The following TAF1D variants were observed in gnomAD, a reference collection of about 807,000 sequenced individuals.
TAF1D encodes the protein TATA box-binding protein-associated factor RNA polymerase I subunit D.
TAF1D carries 23 observed loss-of-function variants against 26.2 expected under a neutral mutation model. The observed-to-expected ratio is 0.88, with a 90% CI of 0.63 to 1.25. The LOEUF is 1.25. TAF1D is among the 50% of genes most tolerant of loss of function. The probability of loss-of-function intolerance (pLI) is 0.00; values close to 1 mark genes in which losing one functional copy is unlikely to be tolerated. For synonymous variants in TAF1D, 100 were observed against 105.6 expected (o/e 0.95, Z 0.33); for missense variants, 299 against 322.0 (o/e 0.93, Z 0.55).
chr11:93,736,402 G>C lies in TAF1D; in HGVS notation c.694-98C>G, dbSNP rs117690092. The C allele has an allele frequency of 2.0e-3, 2,923 of 1,449,494 alleles. 96 individuals are homozygous for C. The East Asian group carries it at 0.069, about 34-fold the overall frequency. The allele number at this position is 1,449,494 out of a possible 1,614,324, so 89.8% of individuals were successfully genotyped here. ...GCCCTGGATTACTTCAGATAACCTA[G>C]AGACTACATGTAGATGTTAAAAATC... is the stretch of plus-strand genomic sequence containing the variant. On this transcript the variant is annotated intron_variant, in intron 5 of 5. Transcript: ENST00000448108.
chr11:93,734,744 C>A, downstream of TAF1D: 1 of 1,285,328 alleles, frequency 7.8e-7, no homozygotes, highest in Non-Finnish European at 1.0e-6. Context: ...CCCTCATATC[C>A]CATGCTGTTT....
chr11:93,735,508 T>C (rs1213806472), downstream of TAF1D: 4 of 433,892 alleles, frequency 9.2e-6, no homozygotes, highest in Non-Finnish European at 1.2e-5. Context: ...CTGTCTCTAC[T>C]AAAAAAACAA....
At position 93,737,109 on chromosome 11, in the gene TAF1D, T is replaced by C; in HGVS notation, c.590A>G (p.Lys197Arg). ...AATGGATCCATCATCATCCAAAAAT[T>C]TGTATCTACGACTGTCAAAATCTTC... ...ENEDFDSRRY[K>R]FLDDDGSISP... The change falls in exon 4 of 6, where the codon AAA (lysine) becomes AGA (arginine). Residue 197 changes from lysine to arginine, a missense_variant. Transcript: ENST00000448108. The C allele has an allele frequency of 1.2e-6, 2 of 1,609,484 alleles. No individual in the cohort carries two copies. The highest frequency in any genetic ancestry group is 1.7e-6 in the Non-Finnish European group (2 of 1,178,358).
downstream of TAF1D, chr11:93,735,499 T>C (rs905444737): frequency 1.2e-5 from 5 of 405,364 alleles, no homozygotes; most frequent in Non-Finnish European, 1.7e-5. Flanking sequence ...GGTGAAAGCC[T>C]GTCTCTACTA....
At chr11:93,738,530 CTTCTT>C (rs1440928829) in intron 2 of TAF1D, 31 bp from the exon 3 acceptor site, 2 of 1,525,930 alleles carry the variant, frequency 1.3e-6, no homozygotes, top group African/African-American at 2.8e-5. Flanking sequence ...TTAATTTCAT[CTTCTT>C]TTCTTACTGC....
chr11:93,737,107 A>C lies in TAF1D; in HGVS notation c.592T>G (p.Phe198Val). ...GAAATGGATCCATCATCATCCAAAA[A>C]TTTGTATCTACGACTGTCAAAATCT... is the stretch of plus-strand genomic sequence containing the variant. Reference protein sequence around the residue: ...NEDFDSRRYKFLDDDGSISPI... With the variant: ...NEDFDSRRYKVLDDDGSISPI... Residue 198 changes from phenylalanine (F) to valine (V), a missense_variant, in exon 4 of 6, where the codon TTT becomes GTT. By Grantham distance (50) the Phe-to-Val change is conservative (BLOSUM62 -1). Coordinates refer to ENST00000448108, the MANE Select transcript of TAF1D (RefSeq NM_024116.4). The C allele has an allele frequency of 6.2e-7, 1 of 1,609,478 alleles. No homozygotes were observed. The highest frequency in any genetic ancestry group is 8.5e-7 in the Non-Finnish European group (1 of 1,178,386).
At chr11:93,732,755 G>A, downstream of TAF1D, 1 of 215,574 alleles carries the variant, frequency 4.6e-6, no homozygotes, top group Non-Finnish European at 9.6e-6. Flanking sequence ...CAAACGTCAA[G>A]CTCATTGTTG....
chr11:93,739,195 T>A, intron 2 of TAF1D, 42 bp downstream of exon 2: 5 of 1,462,456 alleles, frequency 3.4e-6, no homozygotes, highest in Non-Finnish European at 4.7e-6. Context: ...TACAATAGTT[T>A]CTCATAATTC....
rs1362919565 is a variant in TAF1D, at chr11:93,741,461, C to G, written c.-167G>C. ...ACCTCAGCCCTCCAACTCCCGATAA[C>G]CAGCCGACCTCCTCCAACCGTGCGG... On this transcript the variant is annotated 5_prime_UTR_variant, in exon 1 of 6. Coordinates refer to ENST00000448108, the MANE Select transcript of TAF1D (RefSeq NM_024116.4). The G allele has an allele frequency of 2.2e-6, 1 of 456,304 alleles. No homozygotes were observed. The highest frequency in any genetic ancestry group is 2.0e-5 in the African/African-American group (1 of 50,210). The allele number at this position is 456,304 out of a possible 1,614,324, so 28.3% of individuals were successfully genotyped here. A position where few individuals can be genotyped will look rare whatever the true frequency, so the allele number is the denominator to read the frequency against.
chr11:93,735,506 A>G (rs1050200438), downstream of TAF1D: 33 of 417,364 alleles, frequency 7.9e-5, no homozygotes, highest in Non-Finnish European at 1.0e-4. Flanking sequence ...GCCTGTCTCT[A>G]CTAAAAAAAC....
intron 4 of TAF1D, 96 bp downstream of exon 4, chr11:93,736,968 T>G: frequency 8.4e-7 from 1 of 1,193,432 alleles, no homozygotes; most frequent in South Asian, 1.7e-5. Flanking sequence ...TGTTCATTAT[T>G]TAAGTATAAC....
chr11:93,739,961 CAAAAAAAAAAA>C (rs67574108), intron 1 of TAF1D, among the ~76,000 whole-genome samples: 3 of 82,422 alleles, frequency 3.6e-5, no homozygotes, highest in African/African-American at 5.3e-5. Flanking sequence ...TACAACATAC[CAAAAAAAAAAA>C]AAAAAAAAAA....
At chr11:93,734,777 C>T (rs577212858), downstream of TAF1D, 137 of 1,260,136 alleles carry the variant, frequency 1.1e-4, 1 homozygote, top group African/African-American at 1.9e-3. Flanking sequence ...GGCCTGGAAT[C>T]AACCTTTTTT....
chr11:93,737,009 CAT>C, intron 4 of TAF1D, 53 bp downstream of exon 4: 3 of 1,400,788 alleles, frequency 2.1e-6, no homozygotes, highest in South Asian at 3.0e-5. Flanking sequence ...AAGCAATTAA[CAT>C]AGAAATTTAA....
At chr11:93,734,904 C>T (rs575225728), downstream of TAF1D, 50 of 769,934 alleles carry the variant, frequency 6.5e-5, no homozygotes, top group South Asian at 8.4e-4. Context: ...ACTCCAACTA[C>T]AGGCACATGC....
downstream of TAF1D, chr11:93,734,800 G>A (rs1332259306): frequency 5.7e-6 from 7 of 1,229,014 alleles, no homozygotes; most frequent in African/African-American, 1.1e-4. Flanking sequence ...TTAAGAGACA[G>A]GGTCTGTCTT....
exon 12 of TAF1D, chr11:93,730,341 A>G (rs1938284867): frequency 1.8e-6 from 2 of 1,123,758 alleles, no homozygotes; most frequent in Admixed American, 2.0e-5. Context: ...TAAAGTCAAT[A>G]AATTGTTATT....
chr11:93,734,691 TCAA>T, downstream of TAF1D: 2 of 1,278,278 alleles, frequency 1.6e-6, no homozygotes, highest in Non-Finnish European at 2.0e-6. Flanking sequence ...GTGTATATCA[TCAA>T]CATGAAATTG....
At chr11:93,731,679 A>AAAAT (rs1363402339), downstream of TAF1D, 8 of 422,546 alleles carry the variant, frequency 1.9e-5, no homozygotes, top group African/African-American at 1.2e-4. Flanking sequence ...TAAATAACCT[A>AAAAT]AAATAACATT....
Sources: allele counts gnomAD v4.1 joint callset (sites outside exome capture counted in the v4.1 genomes callset), GRCh38; gene constraint gnomAD v4.1.1; transcripts MANE v1.5; gene names NCBI Gene and HGNC (gene_info 2026-07-23, HGNC 2026-07-21).